The following TPD52L1 variants were observed in gnomAD, a reference collection of about 807,000 sequenced individuals.
TPD52L1 encodes the protein TPD52 like 1, also known as tumor protein D53.
In TPD52L1, 18 loss-of-function variants were observed where a neutral mutation model predicts 28.7. The observed-to-expected ratio is 0.63, with a 90% CI of 0.43 to 0.93. The LOEUF (loss-of-function observed/expected upper bound fraction) is 0.93, where lower values mean the gene tolerates loss of function less well. Among genes scored for constraint, TPD52L1 ranks in the 40% least tolerant of loss-of-function variants. TPD52L1 has a pLI of 0.00. For missense variants in TPD52L1, 203 were observed against 254.8 expected (o/e 0.80, Z 1.39); for synonymous variants, 75 against 88.8 (o/e 0.84, Z 0.88).
chr6:125,179,034 A>C (rs1314597088), intron 1 of TPD52L1, among the ~76,000 whole-genome samples: 2 of 152,242 alleles, frequency 1.3e-5, no homozygotes, highest in Non-Finnish European at 2.9e-5. Context: ...TAATGTAAAC[A>C]GACTTCCCAC....
chr6:125,185,985 C>T (rs975408293), intron 1 of TPD52L1, among the ~76,000 whole-genome samples: 1 of 151,214 alleles, frequency 6.6e-6, no homozygotes, highest in African/African-American at 2.4e-5. Context: ...CCTCTGCCTC[C>T]CAGGTTCAAG....
chr6:125,205,051 A>G (rs1794030115), intron 1 of TPD52L1, among the ~76,000 whole-genome samples: 1 of 152,220 alleles, frequency 6.6e-6, no homozygotes, highest in African/African-American at 2.4e-5. Context: ...TTTTTCAAGT[A>G]GATTTTGTTC....
chr6:125,219,487 G>A (rs1290206761), intron 1 of TPD52L1, among the ~76,000 whole-genome samples: 1 of 152,182 alleles, frequency 6.6e-6, no homozygotes, highest in East Asian at 1.9e-4. Context: ...GGTTGTTGTG[G>A]ACGACCCAGG....
chr6:125,259,387 C>T (rs1797786073), intron 6 of TPD52L1, among the ~76,000 whole-genome samples: 1 of 152,206 alleles, frequency 6.6e-6, no homozygotes, highest in African/African-American at 2.4e-5. Context: ...TTTCTTTACA[C>T]CAAATTCTGT....
intron 1 of TPD52L1, among the ~76,000 whole-genome samples, chr6:125,173,717 C>T (rs900914327): frequency 6.6e-6 from 1 of 152,064 alleles, no homozygotes. Flanking sequence ...ACTATGTTTG[C>T]TTTTTTATTT....
chr6:125,187,777 C>T (rs1236501515), intron 1 of TPD52L1, among the ~76,000 whole-genome samples: 2 of 152,076 alleles, frequency 1.3e-5, no homozygotes, highest in African/African-American at 2.4e-5. Context: ...TGTGTATGTA[C>T]ACACATACAC....
chr6:125,198,053 A>G (rs1164187078), intron 1 of TPD52L1, among the ~76,000 whole-genome samples: 1 of 152,208 alleles, frequency 6.6e-6, no homozygotes, highest in Non-Finnish European at 1.5e-5. Context: ...AACTAGGATT[A>G]TACCCTGGGC....
intron 1 of TPD52L1, among the ~76,000 whole-genome samples, chr6:125,210,846 G>T (rs1436282452): frequency 6.6e-6 from 1 of 152,112 alleles, no homozygotes; most frequent in South Asian, 2.1e-4. Flanking sequence ...CCATTTTACA[G>T]ATGAAAAGAC....
intron 3 of TPD52L1, among the ~76,000 whole-genome samples, chr6:125,237,426 T>C (rs1796332536): frequency 6.6e-6 from 1 of 152,140 alleles, no homozygotes; most frequent in Non-Finnish European, 1.5e-5. Flanking sequence ...CAACAGGGCT[T>C]TCCTGATGAA....
At chr6:125,201,646 C>T (rs1476040471) in intron 1 of TPD52L1, among the ~76,000 whole-genome samples, 2 of 152,188 alleles carry the variant, frequency 1.3e-5, no homozygotes, top group Non-Finnish European at 2.9e-5. Context: ...CCCATTTTGG[C>T]TTCTTTGCAA....
intron 3 of TPD52L1, among the ~76,000 whole-genome samples, chr6:125,233,133 C>T (rs1796050192): frequency 1.3e-5 from 2 of 152,142 alleles, no homozygotes; most frequent in Non-Finnish European, 2.9e-5. Flanking sequence ...CTAATAAACC[C>T]CTCTGAATCG....
At chr6:125,242,713 C>T (rs1159307144) in intron 3 of TPD52L1, among the ~76,000 whole-genome samples, 2 of 152,074 alleles carry the variant, frequency 1.3e-5, no homozygotes, top group Non-Finnish European at 2.9e-5. Context: ...TTGAAGACAG[C>T]AGATACTTGG....
intron 1 of TPD52L1, among the ~76,000 whole-genome samples, chr6:125,169,156 T>G (rs1791114820): frequency 6.6e-6 from 1 of 152,122 alleles, no homozygotes; most frequent in African/African-American, 2.4e-5. Flanking sequence ...TTAAAGCACT[T>G]TGTTCACTTG....
At chr6:125,240,341 G>T (rs1796546187) in intron 3 of TPD52L1, among the ~76,000 whole-genome samples, 1 of 152,126 alleles carries the variant, frequency 6.6e-6, no homozygotes, top group Admixed American at 6.5e-5. Flanking sequence ...TTTTAGAATT[G>T]TTTTTTCTAG....
At position 125,236,645 on chromosome 6, in the gene TPD52L1, G is replaced by A. The variant is rs191822959; in HGVS notation, c.284+7379G>A. Reference sequence around the variant, plus strand: ...AACACAAGAATGAATTCTCTAACTAGTAGCCAGTCCCAACTTCATGCAAAA... The same window carrying A: ...AACACAAGAATGAATTCTCTAACTAATAGCCAGTCCCAACTTCATGCAAAA... On this transcript the variant is annotated intron_variant, in intron 3 of 6. Coordinates refer to ENST00000534000, the MANE Select transcript of TPD52L1 (RefSeq NM_003287.4). Among the ~76,000 whole-genome samples, 315 of 152,282 alleles carry A rather than the reference G, an allele frequency of 2.1e-3. 3 individuals are homozygous for A. The highest frequency in any genetic ancestry group is 6.8e-3 in the Middle Eastern group (2 of 294).
intron 1 of TPD52L1, among the ~76,000 whole-genome samples, chr6:125,184,531 A>G (rs902384065): frequency 3.9e-5 from 6 of 152,222 alleles, no homozygotes; most frequent in African/African-American, 1.4e-4. Flanking sequence ...AAAGGCAGGT[A>G]TGTCCACACA....
intron 1 of TPD52L1, among the ~76,000 whole-genome samples, chr6:125,160,771 C>T (rs544759044): frequency 6.6e-6 from 1 of 152,108 alleles, no homozygotes; most frequent in South Asian, 2.1e-4. Flanking sequence ...CTATCTTAGC[C>T]AGATCTTCTG....
chr6:125,172,897 G>A (rs1791589963), intron 1 of TPD52L1, among the ~76,000 whole-genome samples: 1 of 151,748 alleles, frequency 6.6e-6, no homozygotes, highest in African/African-American at 2.4e-5. Context: ...TTTTCCTACT[G>A]TCTTTCCTTA....
intron 6 of TPD52L1, among the ~76,000 whole-genome samples, chr6:125,258,292 TGTGCA>T (rs1422859042): frequency 6.6e-6 from 1 of 152,198 alleles, no homozygotes; most frequent in Admixed American, 6.5e-5. Context: ...AGTTTCCAGT[TGTGCA>T]GTTTCACCGC....
Sources: gnomAD v4.1 joint callset for allele counts (sites outside exome capture counted in the v4.1 genomes callset) on GRCh38, gnomAD v4.1.1 for gene constraint, MANE v1.5 for transcripts, NCBI Gene and HGNC (gene_info 2026-07-23, HGNC 2026-07-21) for gene names.